Variants in ELL observed in about 807,000 individuals in gnomAD.
The protein encoded by ELL is elongation factor for RNA polymerase II.
Under a neutral mutation model 64.0 loss-of-function variants are expected in ELL, and 18 were observed. That is an observed-to-expected ratio of 0.28 (90% confidence interval 0.19 to 0.42). The LOEUF (loss-of-function observed/expected upper bound fraction) is 0.42. ELL is among the 10% of genes least tolerant of loss of function. ELL has a pLI of 1.00. For synonymous variants in ELL, 399 were observed against 376.2 expected (o/e 1.06, Z -0.70); for missense variants, 797 against 870.4 (o/e 0.92, Z 1.06).
Position 18,509,598 on chromosome 19 carries a change from TACACACACACACACACAC to T in ELL, c.135+12305_135+12322del, listed in dbSNP as rs1183127480. Among the ~76,000 whole-genome samples, 262 of 81,874 alleles carry T rather than the reference TACACACACACACACACAC, an allele frequency of 3.2e-3. 10 individuals carry two copies. Among genetic ancestry groups the T allele is most frequent in the Middle Eastern group, 0.011 (2 of 182 alleles). The allele number at this position is 81,874 out of a possible 152,430, so 53.7% of individuals were successfully genotyped here. ...CAATGCACGTGCGCGCGCGCGCACA[TACACACACACACACACAC>T]ACACACACACACACACACACACACA... On this transcript the variant is annotated intron_variant, in intron 1 of 11. Coordinates refer to ENST00000262809, the MANE Select transcript of ELL (RefSeq NM_006532.4).
intron 1 of ELL, among the ~76,000 whole-genome samples, chr19:18,493,820 G>A (rs769415686): frequency 2.6e-5 from 4 of 152,214 alleles, no homozygotes; most frequent in Non-Finnish European, 4.4e-5. Flanking sequence ...CTGGGTCACT[G>A]ACCACTCCTC....
chr19:18,518,790 CAA>C (rs57211923), intron 1 of ELL, among the ~76,000 whole-genome samples: 10 of 129,926 alleles, frequency 7.7e-5, no homozygotes, highest in Admixed American at 3.1e-4. Flanking sequence ...GACCCTGTCT[CAA>C]AAAAAAAAAA....
rs187952406 is a variant in ELL, at chr19:18,493,635, C to T, written c.136-20753G>A. Among the ~76,000 whole-genome samples, 264 of 152,358 alleles carry T rather than the reference C, an allele frequency of 1.7e-3. 4 individuals are homozygous for T. The highest frequency in any genetic ancestry group is 5.4e-3 in the African/African-American group (226 of 41,582). ...GCCAGACGGCCCCACACTCCACAGA[C>T]GCCTGGAAGGGAGGCGTGTGTCCAG... On this transcript the variant is annotated intron_variant, in intron 1 of 11. Coordinates refer to ENST00000262809, the MANE Select transcript of ELL (RefSeq NM_006532.4).
intron 1 of ELL, among the ~76,000 whole-genome samples, chr19:18,515,959 G>A (rs1231151407): frequency 6.6e-6 from 1 of 152,144 alleles, no homozygotes; most frequent in Non-Finnish European, 1.5e-5. Context: ...GTGCACCCAT[G>A]GGAAGGGATG....
Position 18,449,370 on chromosome 19 carries a change from G to A in ELL, c.1465+1107C>T, listed in dbSNP as rs1230392678. On this transcript the variant is annotated intron_variant, in intron 8 of 11. Transcript: ENST00000262809. This position sits in a 1 kb window ranked among gnomAD's most constrained non-coding sequence, Gnocchi z 4.4. ...GAGCATGGCCCTGGTCAGAGAGGCT[G>A]CCCAGGGAGTAAGGCCACCTTCTCC... Among the ~76,000 whole-genome samples the A allele has an allele frequency of 1.3e-5, 2 of 152,016 alleles. No homozygotes were observed. The highest frequency in any genetic ancestry group is 2.9e-5 in the Non-Finnish European group (2 of 67,974).
intron 1 of ELL, among the ~76,000 whole-genome samples, chr19:18,508,890 C>T (rs1975940534): frequency 6.6e-6 from 1 of 152,170 alleles, no homozygotes; most frequent in South Asian, 2.1e-4. Context: ...TCTAGGGTTG[C>T]TGCTGAAAAA....
At chr19:18,466,357 G>A (rs1311195777) in intron 2 of ELL, among the ~76,000 whole-genome samples, 1 of 152,214 alleles carries the variant, frequency 6.6e-6, no homozygotes, top group Non-Finnish European at 1.5e-5. Flanking sequence ...GCAGCCACGC[G>A]CAACTCTGGC....
chr19:18,487,207 AG>A (rs1277968307), intron 1 of ELL, among the ~76,000 whole-genome samples: 2 of 152,186 alleles, frequency 1.3e-5, no homozygotes, highest in Non-Finnish European at 1.5e-5. Context: ...AAACCCATTG[AG>A]GGCTCCAGAG....
At chr19:18,481,518 A>T (rs902967920) in intron 1 of ELL, among the ~76,000 whole-genome samples, 1 of 152,116 alleles carries the variant, frequency 6.6e-6, no homozygotes, top group Non-Finnish European at 1.5e-5. Context: ...TCTTACGAGG[A>T]CACTTGTGAT....
In ELL at chr19:18,501,144, G is replaced by T. The variant is rs893459580; in HGVS notation, c.135+20777C>A. Among the ~76,000 whole-genome samples the T allele has an allele frequency of 1.3e-5, 2 of 152,018 alleles. No homozygotes were observed. The highest frequency in any genetic ancestry group is 2.9e-5 in the Non-Finnish European group (2 of 68,006). On this transcript the variant is annotated intron_variant, in intron 1 of 11. Transcript: ENST00000262809. This position sits in a 1 kb window ranked among gnomAD's most constrained non-coding sequence, Gnocchi z 4.5. ...ACTGTTCTCGCCAGCTATGCCTGTGGGCAGCAAGCAGCACACCTCCAGGGG... is the reference window on the plus strand; with the variant it reads ...ACTGTTCTCGCCAGCTATGCCTGTGTGCAGCAAGCAGCACACCTCCAGGGG...
intron 1 of ELL, among the ~76,000 whole-genome samples, chr19:18,512,282 G>A (rs1159579143): frequency 6.6e-6 from 1 of 152,106 alleles, no homozygotes; most frequent in Admixed American, 6.6e-5. Context: ...CTGTGATCAC[G>A]TGATTGCACT....
In ELL at chr19:18,458,334, A is replaced by C; in HGVS notation, c.745-5T>G. On this transcript the variant is annotated splice_region_variant and splice_polypyrimidine_tract_variant and intron_variant, in intron 5 of 11. Transcript: ENST00000262809. ...CTTAGCACTCATGTTGGCCACCTGC[A>C]AGACAGAGCCAGCCATCACTTTGTG... The C allele has an allele frequency of 2.5e-6, 4 of 1,608,486 alleles. No individual in the cohort carries two copies. The highest frequency in any genetic ancestry group is 3.4e-6 in the Non-Finnish European group (4 of 1,176,768).
chr19:18,457,516 G>A (rs1414579995), intron 6 of ELL, among the ~76,000 whole-genome samples: 1 of 152,202 alleles, frequency 6.6e-6, no homozygotes, highest in African/African-American at 2.4e-5. Flanking sequence ...GGCAATTACT[G>A]CTTTAAACAG....
chr19:18,492,399 T>G (rs548832717), intron 1 of ELL, among the ~76,000 whole-genome samples: 1 of 152,200 alleles, frequency 6.6e-6, no homozygotes, highest in Non-Finnish European at 1.5e-5. Context: ...TTTCATAAAC[T>G]AAAACGTAGC....
In ELL at chr19:18,446,321, G is replaced by T. The variant is rs766024575; in HGVS notation, c.1692C>A (p.Ser564=). The T allele has an allele frequency of 2.5e-6, 4 of 1,588,272 alleles. No individual in the cohort carries two copies. The highest frequency in any genetic ancestry group is 3.4e-6 in the Non-Finnish European group (4 of 1,170,542). The change falls in exon 10 of 12, where the codon TCC becomes TCA. Residue 564 remains serine (S), a synonymous_variant. Coordinates refer to ENST00000262809, the MANE Select transcript of ELL (RefSeq NM_006532.4). The part of the protein sequence containing the change: ...DAQLRQLSQG[S]EEYETTRGQI... ...GGGGGGGCTCTACCTCATACTCCTC[G>T]GAGCCCTGGGAGAGCTGCCGGAGCT...
chr19:18,471,420 C>A, intron 2 of ELL: 2 of 414,232 alleles, frequency 4.8e-6, no homozygotes, highest in South Asian at 1.8e-5. Flanking sequence ...GTAATCCCAG[C>A]ACTTTGGGAG....
At chr19:18,461,448 T>C in intron 5 of ELL, 130 bp downstream of exon 5, 2 of 1,423,568 alleles carry the variant, frequency 1.4e-6, no homozygotes, top group Non-Finnish European at 1.9e-6. Flanking sequence ...GTTCTGAACC[T>C]GTGAGAGACC....
At chr19:18,485,424 G>A (rs1302656014) in intron 1 of ELL, among the ~76,000 whole-genome samples, 1 of 152,156 alleles carries the variant, frequency 6.6e-6, no homozygotes, top group African/African-American at 2.4e-5. Context: ...AGAGCAGACT[G>A]GCCCCTTCTG....
chr19:18,451,407 C>T, intron 7 of ELL, 145 bp downstream of exon 7: 1 of 762,012 alleles, frequency 1.3e-6, no homozygotes, highest in Non-Finnish European at 1.9e-6. Context: ...CAGCTTCCCC[C>T]TTGGTCCCTG....
Sources: allele counts gnomAD v4.1 joint callset (sites outside exome capture counted in the v4.1 genomes callset), GRCh38; gene constraint gnomAD v4.1.1; non-coding constraint Gnocchi (gnomAD v3.1); transcripts MANE v1.5; gene names NCBI Gene and HGNC (gene_info 2026-07-23, HGNC 2026-07-21).